LHFPL3: variants seen among roughly 807,000 people sequenced by gnomAD.
LHFPL3 encodes the protein LHFPL tetraspan subfamily member 3.
LHFPL3 carries 5 observed loss-of-function variants against 19.3 expected under a neutral mutation model. The observed-to-expected ratio is 0.26, with a 90% CI of 0.14 to 0.54. The LOEUF (loss-of-function observed/expected upper bound fraction) is 0.54, where lower values mean the gene tolerates loss of function less well. Ranked by LOEUF, LHFPL3 falls within the 20% of genes least tolerant of loss-of-function variation. The probability of loss-of-function intolerance (pLI) is 0.94; values close to 1 mark genes in which losing one functional copy is unlikely to be tolerated. For missense variants in LHFPL3, 249 were observed against 307.4 expected (o/e 0.81, Z 1.42); for synonymous variants, 133 against 126.2 (o/e 1.05, Z -0.36).
chr7:104,665,061 T>G (rs1250982521), intron 1 of LHFPL3, among the ~76,000 whole-genome samples: 1 of 152,246 alleles, frequency 6.6e-6, no homozygotes, highest in Non-Finnish European at 1.5e-5. Context: ...TTCATGGGAA[T>G]AAATTTTAGC....
At chr7:104,705,194 A>G (rs1793169563) in intron 1 of LHFPL3, among the ~76,000 whole-genome samples, 2 of 152,172 alleles carry the variant, frequency 1.3e-5, no homozygotes, top group African/African-American at 4.8e-5. Flanking sequence ...TTTGGTAACA[A>G]TTGTTTAATA....
At chr7:104,807,875 T>C (rs375532934) in intron 2 of LHFPL3, among the ~76,000 whole-genome samples, 5 of 152,360 alleles carry the variant, frequency 3.3e-5, no homozygotes, top group Non-Finnish European at 2.9e-5. Flanking sequence ...ATTGAATGCA[T>C]TGGTAGACAA....
At chr7:104,723,858 C>T (rs1793536387) in intron 1 of LHFPL3, among the ~76,000 whole-genome samples, 2 of 151,354 alleles carry the variant, frequency 1.3e-5, no homozygotes, top group Non-Finnish European at 2.9e-5. Context: ...ATAAGAAACC[C>T]ATTTTTGGAT....
chr7:104,724,064 C>T (rs898539279), intron 1 of LHFPL3, among the ~76,000 whole-genome samples: 14 of 152,174 alleles, frequency 9.2e-5, no homozygotes, highest in South Asian at 2.1e-4. Context: ...TTTAAACTTT[C>T]GTTGACTGAG....
intron 2 of LHFPL3, among the ~76,000 whole-genome samples, chr7:104,770,259 A>G (rs1794529086): frequency 6.6e-6 from 1 of 152,100 alleles, no homozygotes; most frequent in African/African-American, 2.4e-5. Context: ...CCCAAACAGA[A>G]GACAAGTGTA....
chr7:104,572,928 C>T (rs186537795), intron 1 of LHFPL3, among the ~76,000 whole-genome samples: 2 of 152,266 alleles, frequency 1.3e-5, no homozygotes, highest in Non-Finnish European at 2.9e-5. Flanking sequence ...ATAGAAATAG[C>T]AGGTCTAAAA....
At chr7:104,534,939 C>T (rs1331264205) in intron 1 of LHFPL3, among the ~76,000 whole-genome samples, 2 of 152,118 alleles carry the variant, frequency 1.3e-5, no homozygotes, top group African/African-American at 2.4e-5. Context: ...CTTACAATTA[C>T]GACTTTGCCT....
At chr7:104,450,664 T>G (rs761212433) in intron 1 of LHFPL3, among the ~76,000 whole-genome samples, 7 of 152,018 alleles carry the variant, frequency 4.6e-5, no homozygotes, top group Non-Finnish European at 8.8e-5. Flanking sequence ...ATGGCACGTG[T>G]ATACCTATGT....
At chr7:104,743,237 C>G (rs959907548) in intron 2 of LHFPL3, among the ~76,000 whole-genome samples, 2 of 152,170 alleles carry the variant, frequency 1.3e-5, no homozygotes, top group African/African-American at 4.8e-5. Flanking sequence ...GGCCCATACA[C>G]TCATACCACC....
chr7:104,653,530 T>A (rs964278271), intron 1 of LHFPL3, among the ~76,000 whole-genome samples: 1 of 152,198 alleles, frequency 6.6e-6, no homozygotes, highest in African/African-American at 2.4e-5. Flanking sequence ...ATATATGGTG[T>A]CTGTGTCTAT....
At chr7:104,873,730 T>C (rs910647615) in intron 2 of LHFPL3, among the ~76,000 whole-genome samples, 67 of 152,266 alleles carry the variant, frequency 4.4e-4, no homozygotes, top group African/African-American at 1.6e-3. Flanking sequence ...ACATTTTCTT[T>C]CCGTCTGTAT....
rs553779684 is a variant in LHFPL3, at chr7:104,514,929, T to G, written c.445+185705T>G. 2.0e-5 allele frequency among the ~76,000 whole-genome samples: 3 copies of G among 152,300 alleles called. No homozygotes were observed. In the South Asian group the frequency reaches 6.2e-4, roughly 32 times the overall value. On this transcript the variant is annotated intron_variant, in intron 1 of 2. Coordinates refer to ENST00000424859, the MANE Select transcript of LHFPL3 (RefSeq NM_199000.3). The stretch of plus-strand genomic sequence containing the variant: ...CCTTCTTTTGAAACTACCCTTCTTT[T>G]CTGTTAGAATAATCTGCACTCAATG...
At chr7:104,640,773 T>C (rs1791818469) in intron 1 of LHFPL3, among the ~76,000 whole-genome samples, 1 of 152,154 alleles carries the variant, frequency 6.6e-6, no homozygotes, top group African/African-American at 2.4e-5. Flanking sequence ...AGTAAGTAAG[T>C]AAAACTCATT....
At chr7:104,372,997 C>A (rs75718626) in intron 1 of LHFPL3, among the ~76,000 whole-genome samples, 887 of 126,258 alleles carry the variant, frequency 7.0e-3, no homozygotes, top group African/African-American at 0.01. Flanking sequence ...AGCTTCTTTA[C>A]AAAAAAAAAA....
chr7:104,895,027 G>A (rs1249638397), intron 2 of LHFPL3: 2 of 152,108 alleles, frequency 1.3e-5, no homozygotes, highest in Non-Finnish European at 2.9e-5. Flanking sequence ...AAATATGCAG[G>A]TGATCGAGAT....
intron 1 of LHFPL3, among the ~76,000 whole-genome samples, chr7:104,471,803 C>G (rs1164456295): frequency 6.6e-6 from 1 of 152,126 alleles, no homozygotes; most frequent in Admixed American, 6.5e-5. Context: ...ATTATATTAA[C>G]AAATGTTTAT....
At chr7:104,489,026 T>G (rs1299963209) in intron 1 of LHFPL3, among the ~76,000 whole-genome samples, 1 of 152,112 alleles carries the variant, frequency 6.6e-6, no homozygotes, top group Non-Finnish European at 1.5e-5. Context: ...GGTTTACTGC[T>G]TTATTCTCAC....
intron 1 of LHFPL3, among the ~76,000 whole-genome samples, chr7:104,520,409 T>C (rs1265308317): frequency 6.8e-6 from 1 of 147,064 alleles, no homozygotes; most frequent in Non-Finnish European, 1.5e-5. Flanking sequence ...TAAAATTCTC[T>C]TTTTTTGTTG....
intron 2 of LHFPL3, among the ~76,000 whole-genome samples, chr7:104,762,023 T>C (rs1794378917): frequency 6.6e-6 from 1 of 152,164 alleles, no homozygotes; most frequent in Non-Finnish European, 1.5e-5. Context: ...CACCTCAGGA[T>C]CTTGTTAAAA....
Sources: allele counts gnomAD v4.1 joint callset (sites outside exome capture counted in the v4.1 genomes callset), GRCh38; gene constraint gnomAD v4.1.1; transcripts MANE v1.5; gene names NCBI Gene and HGNC (gene_info 2026-07-23, HGNC 2026-07-21).